The following THSD7A variants were observed in gnomAD, a reference collection of about 807,000 sequenced individuals.
THSD7A encodes the protein thrombospondin type-1 domain-containing protein 7A.
A neutral mutation model predicts 231.3 loss-of-function variants in THSD7A; 96 were observed. The ratio of observed to expected loss-of-function variants is 0.41; its 90% CI spans 0.35 to 0.49. THSD7A has a LOEUF of 0.49. Among genes scored for constraint, THSD7A ranks in the 20% least tolerant of loss-of-function variants. The pLI, the probability that THSD7A is intolerant of heterozygous loss-of-function variation, is 0.05. For missense variants in THSD7A, 2,290 were observed against 2,070.2 expected, an observed-to-expected ratio of 1.11 and a Z score of -2.06; for synonymous variants, 940 against 743.3, an observed-to-expected ratio of 1.26 and a Z score of -4.30.
chr7:11,566,379 C>T (rs1250050486), intron 4 of THSD7A, among the ~76,000 whole-genome samples: 1 of 152,170 alleles, frequency 6.6e-6, no homozygotes. Context: ...TTCCGATTCA[C>T]TACATTTGGG....
chr7:11,451,346 A>T (rs926089465), intron 11 of THSD7A, among the ~76,000 whole-genome samples: 6 of 152,048 alleles, frequency 3.9e-5, no homozygotes, highest in Non-Finnish European at 7.4e-5. Context: ...ATTGCTAATT[A>T]TAATGCTATT....
chr7:11,517,086 A>C (rs1413974435), intron 6 of THSD7A, among the ~76,000 whole-genome samples: 1 of 152,104 alleles, frequency 6.6e-6, no homozygotes, highest in Non-Finnish European at 1.5e-5. Flanking sequence ...TCATTATTTT[A>C]TTTTATTTTA....
At chr7:11,757,457 A>G (rs1782719981) in intron 1 of THSD7A, among the ~76,000 whole-genome samples, 1 of 152,052 alleles carries the variant, frequency 6.6e-6, no homozygotes, top group African/African-American at 2.4e-5. Flanking sequence ...TACTGATCTC[A>G]TCTTATCAAT....
chr7:11,805,873 C>G (rs1784386446), intron 1 of THSD7A, among the ~76,000 whole-genome samples: 1 of 151,944 alleles, frequency 6.6e-6, no homozygotes, highest in African/African-American at 2.4e-5. Context: ...CTCAATATTT[C>G]ACGTGTTTTG....
At chr7:11,467,195 C>T (rs879908648) in intron 9 of THSD7A, among the ~76,000 whole-genome samples, 2 of 152,110 alleles carry the variant, frequency 1.3e-5, no homozygotes, top group Non-Finnish European at 1.5e-5. Flanking sequence ...CCAATCCTCA[C>T]TTGCAATTCT....
intron 2 of THSD7A, among the ~76,000 whole-genome samples, chr7:11,606,448 C>G (rs1342611288): frequency 6.6e-6 from 1 of 152,002 alleles, no homozygotes; most frequent in African/African-American, 2.4e-5. Flanking sequence ...AATTCCTAGC[C>G]CCTTTATGAG....
chr7:11,784,376 T>A (rs1783723369), intron 1 of THSD7A, among the ~76,000 whole-genome samples: 1 of 150,930 alleles, frequency 6.6e-6, no homozygotes, highest in Admixed American at 6.6e-5. Flanking sequence ...TCCCAACTAA[T>A]TTTTTTTTCA....
chr7:11,474,007 C>A lies in THSD7A; in HGVS notation c.2252+327G>T, dbSNP rs778705830. 1.3e-5 allele frequency among the ~76,000 whole-genome samples: 2 copies of A among 152,106 alleles called. No individual in the cohort carries two copies. Among genetic ancestry groups the A allele is most frequent in the South Asian group, 2.1e-4 (1 of 4,824 alleles). On this transcript the variant is annotated intron_variant, in intron 8 of 27. Coordinates refer to ENST00000423059, the MANE Select transcript of THSD7A (RefSeq NM_015204.3). The surrounding 1 kb of genome is among the most constrained non-coding windows in gnomAD (Gnocchi z 4.1). Reference sequence around the variant, plus strand: ...CATGGATGACCTACACTGCCAGGACCTAGTACACTGTCATTATTGATCAGC... The same window carrying A: ...CATGGATGACCTACACTGCCAGGACATAGTACACTGTCATTATTGATCAGC...
At chr7:11,510,598 T>C (rs1787765350) in intron 6 of THSD7A, among the ~76,000 whole-genome samples, 1 of 152,132 alleles carries the variant, frequency 6.6e-6, no homozygotes, top group Non-Finnish European at 1.5e-5. Context: ...GCTTCATCCC[T>C]GGGATGCAAG....
intron 1 of THSD7A, among the ~76,000 whole-genome samples, chr7:11,716,610 T>TCC (rs1360458506): frequency 7.3e-6 from 1 of 137,432 alleles, no homozygotes; most frequent in African/African-American, 2.6e-5. Context: ...AATCAGACAA[T>TCC]CCAATAGACT....
At chr7:11,787,437 C>T (rs1481501364) in intron 1 of THSD7A, among the ~76,000 whole-genome samples, 5 of 151,934 alleles carry the variant, frequency 3.3e-5, no homozygotes, top group African/African-American at 4.8e-5. Context: ...AAAATTTATT[C>T]TCTGGGAAGA....
intron 9 of THSD7A, among the ~76,000 whole-genome samples, chr7:11,468,487 A>T (rs958627168): frequency 2.0e-5 from 3 of 152,186 alleles, no homozygotes; most frequent in African/African-American, 7.2e-5. Context: ...TATAAAAGTT[A>T]ATGCTTATAA....
At chr7:11,602,363 C>G (rs1425510828) in intron 2 of THSD7A, among the ~76,000 whole-genome samples, 1 of 151,954 alleles carries the variant, frequency 6.6e-6, no homozygotes, top group Non-Finnish European at 1.5e-5. Flanking sequence ...CCAAACCTTT[C>G]AACAAATGTG....
Position 11,824,626 on chromosome 7 carries a change from A to G in THSD7A, c.190+7131T>C, listed in dbSNP as rs561563434. ...TTCACTGAAACAGTTAAAGCCTCAT[A>G]CAATTCCCTGAGAATTTGACTTTTT... On this transcript the variant is annotated intron_variant, in intron 1 of 27. Transcript: ENST00000423059. Among the ~76,000 whole-genome samples, 19 of 152,298 alleles carry G rather than the reference A, an allele frequency of 1.2e-4. 1 individual carries two copies. The South Asian group carries it at 3.9e-3, about 32-fold the overall frequency.
In THSD7A at chr7:11,481,907, T is replaced by C; in HGVS notation, c.1898A>G (p.Lys633Arg). The change falls in exon 7 of 28, where the codon AAA (lysine) becomes AGA (arginine). Residue 633 changes from lysine (K) to arginine (R), a missense_variant. Lys to Arg is a conservative substitution (Grantham distance 26, BLOSUM62 2). Coordinates refer to ENST00000423059, the MANE Select transcript of THSD7A (RefSeq NM_015204.3). ...IPVACDAPCP[K>R]DCVLSTWSTW... ...AGACCATGTGCTGAGCACACAGTCT[T>C]TCGGGCATGGGGCATCACAGGCCAC... The C allele has an allele frequency of 3.1e-6, 5 of 1,613,734 alleles. No individual in the cohort carries two copies. In the South Asian group the frequency reaches 5.5e-5, roughly 18 times the overall value.
intron 1 of THSD7A, among the ~76,000 whole-genome samples, chr7:11,817,961 C>G (rs901347842): frequency 6.6e-6 from 1 of 152,126 alleles, no homozygotes; most frequent in Non-Finnish European, 1.5e-5. Context: ...TCATTCCAAG[C>G]TATGCATTCA....
Position 11,474,234 on chromosome 7 carries a change from C to A in THSD7A, c.2252+100G>T, listed in dbSNP as rs1017608343. On this transcript the variant is annotated intron_variant, in intron 8 of 27. Coordinates refer to ENST00000423059, the MANE Select transcript of THSD7A (RefSeq NM_015204.3). The surrounding 1 kb of genome is among the most constrained non-coding windows in gnomAD (Gnocchi z 4.1). ...ATCTTGCTCTTGAGGACAGGTATGA[C>A]AAGCATCAAAATGTTCCATTTCATG... 2 of 1,007,796 alleles carry A rather than the reference C, an allele frequency of 2.0e-6. No individual in the cohort carries two copies. Among genetic ancestry groups the A allele is most frequent in the Non-Finnish European group, 2.9e-6 (2 of 687,900 alleles). The allele number at this position is 1,007,796 out of a possible 1,614,324, so 62.4% of individuals were successfully genotyped here.
At chr7:11,428,242 T>C (rs1439293804) in intron 14 of THSD7A, among the ~76,000 whole-genome samples, 1 of 152,178 alleles carries the variant, frequency 6.6e-6, no homozygotes, top group African/African-American at 2.4e-5. Flanking sequence ...CTAATTCACT[T>C]ATAGGCCAAA....
intron 23 of THSD7A, among the ~76,000 whole-genome samples, chr7:11,398,258 C>CT (rs1358047436): frequency 1.3e-5 from 2 of 152,074 alleles, no homozygotes; most frequent in African/African-American, 4.8e-5. Flanking sequence ...AACCTGGAAA[C>CT]TATCATTCTC....
Sources: allele counts gnomAD v4.1 joint callset (sites outside exome capture counted in the v4.1 genomes callset), GRCh38; gene constraint gnomAD v4.1.1; non-coding constraint Gnocchi (gnomAD v3.1); transcripts MANE v1.5; gene names NCBI Gene and HGNC (gene_info 2026-07-23, HGNC 2026-07-21).